The following FMN2 variants were observed in gnomAD, a reference collection of about 807,000 sequenced individuals.
FMN2 encodes formin-2.
FMN2 carries 51 observed loss-of-function variants against 142.3 expected under a neutral mutation model. The observed-to-expected ratio is 0.36, with a 90% CI of 0.29 to 0.45. The LOEUF (loss-of-function observed/expected upper bound fraction) is 0.45. Ranked by LOEUF, FMN2 falls within the 20% of genes least tolerant of loss-of-function variation. The pLI is 1.00. For missense variants in FMN2, 1,936 were observed against 2,122.8 expected (o/e 0.91, Z 1.73); for synonymous variants, 882 against 869.8 (o/e 1.01, Z -0.25).
chr1:240,149,828 C>A (rs910770925), intron 2 of FMN2, among the ~76,000 whole-genome samples: 16 of 152,050 alleles, frequency 1.1e-4, no homozygotes, highest in East Asian at 1.9e-4. Flanking sequence ...ATTTTAAAAT[C>A]AAAAATTCTT....
intron 8 of FMN2, among the ~76,000 whole-genome samples, chr1:240,295,099 G>A (rs567218261): frequency 6.6e-5 from 10 of 151,840 alleles, no homozygotes; most frequent in African/African-American, 2.4e-4. Context: ...AAATCATATT[G>A]CATATGAGGT....
intron 2 of FMN2, among the ~76,000 whole-genome samples, chr1:240,160,495 G>T (rs1664233274): frequency 6.7e-6 from 1 of 149,090 alleles, no homozygotes; most frequent in Non-Finnish European, 1.5e-5. Context: ...TATAATATAT[G>T]TATATAATGT....
chr1:240,280,166 C>T (rs1303008271), intron 7 of FMN2, among the ~76,000 whole-genome samples: 1 of 151,970 alleles, frequency 6.6e-6, no homozygotes, highest in Non-Finnish European at 1.5e-5. Flanking sequence ...TTCCCCCTAC[C>T]TCAGCATGTC....
chr1:240,120,268 A>G (rs1484431935), intron 1 of FMN2, among the ~76,000 whole-genome samples: 2 of 152,358 alleles, frequency 1.3e-5, no homozygotes, highest in East Asian at 3.9e-4. Flanking sequence ...TGAAGTATAG[A>G]CTTGGCCTGG....
intron 6 of FMN2, among the ~76,000 whole-genome samples, chr1:240,220,051 T>G (rs185354362): frequency 6.6e-6 from 1 of 152,194 alleles, no homozygotes; most frequent in African/African-American, 2.4e-5. Flanking sequence ...GTCTGAAGTA[T>G]TACTTTAGCA....
chr1:240,284,942 C>G (rs532466111), intron 7 of FMN2, among the ~76,000 whole-genome samples: 1 of 152,140 alleles, frequency 6.6e-6, no homozygotes, highest in Non-Finnish European at 1.5e-5. Flanking sequence ...CTCTCAGGAA[C>G]TGGTCAACCT....
chr1:240,204,385 A>G (rs1244871618), intron 4 of FMN2, among the ~76,000 whole-genome samples: 1 of 152,182 alleles, frequency 6.6e-6, no homozygotes, highest in Non-Finnish European at 1.5e-5. Context: ...GGGTGGCTTA[A>G]GCCCAGGAGT....
intron 15 of FMN2, among the ~76,000 whole-genome samples, chr1:240,420,381 G>A (rs2103140947): frequency 6.6e-6 from 1 of 152,276 alleles, no homozygotes; most frequent in South Asian, 2.1e-4. Flanking sequence ...AGACCTATAA[G>A]AGAAGAGCCT....
intron 1 of FMN2, among the ~76,000 whole-genome samples, chr1:240,121,256 C>T (rs1041585325): frequency 2.0e-5 from 3 of 152,212 alleles, no homozygotes; most frequent in Non-Finnish European, 4.4e-5. Flanking sequence ...GATGCCTGAG[C>T]CCGGCTTCCA....
chr1:240,179,236 T>G (rs1164265135), intron 3 of FMN2: 1 of 151,836 alleles, frequency 6.6e-6, no homozygotes. Flanking sequence ...ATTGCCTTAT[T>G]CATGAGGTCC....
At chr1:240,261,480 T>A (rs1668629530) in intron 7 of FMN2, among the ~76,000 whole-genome samples, 1 of 152,182 alleles carries the variant, frequency 6.6e-6, no homozygotes, top group Non-Finnish European at 1.5e-5. Context: ...TTTTCTCTCC[T>A]TCTTTGCTGT....
Position 240,218,033 on chromosome 1 carries a change from C to A in FMN2, c.4065+6798C>A, listed in dbSNP as rs191576887. Among the ~76,000 whole-genome samples the A allele has an allele frequency of 4.0e-5, 6 of 151,892 alleles. No individual in the cohort carries two copies. In the East Asian group the frequency reaches 1.2e-3, roughly 30 times the overall value. On this transcript the variant is annotated intron_variant, in intron 6 of 17. Transcript: ENST00000319653. ...GGCGCAGTGGCTCACGCCTGTAATCCCAGCACTTTGGGAGGCCTAGGTGGG... is the reference window on the plus strand; with the variant it reads ...GGCGCAGTGGCTCACGCCTGTAATCACAGCACTTTGGGAGGCCTAGGTGGG...
chr1:240,435,174 T>TC (rs1357480701), intron 15 of FMN2, among the ~76,000 whole-genome samples: 25 of 144,564 alleles, frequency 1.7e-4, no homozygotes, highest in African/African-American at 6.4e-4. Flanking sequence ...AATACATATA[T>TC]TACTACTTCA....
chr1:240,427,608 CT>C (rs555107155), intron 15 of FMN2, among the ~76,000 whole-genome samples: 46 of 152,258 alleles, frequency 3.0e-4, no homozygotes, highest in African/African-American at 9.1e-4. Context: ...ATAGGTGCCC[CT>C]ATGACACTTT....
chr1:240,235,681 A>T (rs563331498), intron 6 of FMN2: 9 of 152,306 alleles, frequency 5.9e-5, no homozygotes, highest in African/African-American at 2.2e-4. Flanking sequence ...TCGGCCTCCC[A>T]AGTTGCTGGC....
At chr1:240,319,840 A>T (rs1670909985) in intron 8 of FMN2, among the ~76,000 whole-genome samples, 1 of 152,192 alleles carries the variant, frequency 6.6e-6, no homozygotes, top group Admixed American at 6.5e-5. Flanking sequence ...AACTCAGCAG[A>T]AATGGGTATC....
chr1:240,376,715 C>G (rs1291162543), intron 14 of FMN2, among the ~76,000 whole-genome samples: 1 of 152,088 alleles, frequency 6.6e-6, no homozygotes, highest in Non-Finnish European at 1.5e-5. Flanking sequence ...ATATAAGGGA[C>G]TTTAGCATCC....
chr1:240,365,062 C>T (rs1405824453), intron 14 of FMN2, among the ~76,000 whole-genome samples: 1 of 152,158 alleles, frequency 6.6e-6, no homozygotes, highest in Non-Finnish European at 1.5e-5. Flanking sequence ...TTACTGTTCT[C>T]TACTTTAACC....
chr1:240,367,238 A>G (rs1447617715), intron 14 of FMN2, among the ~76,000 whole-genome samples: 1 of 152,100 alleles, frequency 6.6e-6, no homozygotes, highest in African/African-American at 2.4e-5. Context: ...CTGTAATGCC[A>G]TTGTGAGTCT....
Sources: allele counts gnomAD v4.1 joint callset (sites outside exome capture counted in the v4.1 genomes callset), GRCh38; gene constraint gnomAD v4.1.1; transcripts MANE v1.5; gene names NCBI Gene and HGNC (gene_info 2026-07-23, HGNC 2026-07-21).